Variants in CCDC88B observed in about 807,000 individuals in gnomAD.
The protein encoded by CCDC88B is coiled-coil and HOOK domain protein 88B.
A neutral mutation model predicts 183.7 loss-of-function variants in CCDC88B; 138 were observed. The observed-to-expected ratio is 0.75, with a 90% CI of 0.65 to 0.87. The LOEUF is 0.87. CCDC88B is among the 40% of genes least tolerant of loss of function. CCDC88B has a pLI of 0.00. For missense variants in CCDC88B, 1,822 were observed against 1,965.6 expected (o/e 0.93, Z 1.38); for synonymous variants, 835 against 867.5 (o/e 0.96, Z 0.66).
intron 14 of CCDC88B, 31 bp from the exon 15 acceptor site, chr11:64,349,300 C>T: frequency 6.4e-7 from 1 of 1,557,292 alleles, no homozygotes; most frequent in Non-Finnish European, 8.7e-7. Context: ...CTCCTGCCCC[C>T]TTGCCCTGAG....
chr11:64,341,925 T>G (rs1207381599), intron 7 of CCDC88B, 69 bp from the exon 8 acceptor site: 13 of 1,489,816 alleles, frequency 8.7e-6, no homozygotes, highest in South Asian at 7.9e-5. Flanking sequence ...ATGTCTGGTG[T>G]TGTGGTTGGG....
Position 64,340,762 on chromosome 11 carries a change from A to T in CCDC88B, c.206+10A>T. 1 of 1,603,106 alleles carries T rather than the reference A, an allele frequency of 6.2e-7. No homozygotes were observed. The highest frequency in any genetic ancestry group is 8.5e-7 in the Non-Finnish European group (1 of 1,175,046). The stretch of plus-strand genomic sequence containing the variant: ...GGGTGCTGGGCATCATGTAAGGGGC[A>T]TCGGGCCGGGGCGGTGGCGGGGAAG... On this transcript the variant is annotated intron_variant, in intron 2 of 26. Coordinates refer to ENST00000356786, the MANE Select transcript of CCDC88B (RefSeq NM_032251.6).
Position 64,353,826 on chromosome 11 carries a change from G to A in CCDC88B, c.3932+13G>A, listed in dbSNP as rs1049026394. The A allele has an allele frequency of 6.2e-7, 1 of 1,613,774 alleles. No homozygotes were observed. Among genetic ancestry groups the A allele is most frequent in the Non-Finnish European group, 8.5e-7 (1 of 1,179,732 alleles). The stretch of plus-strand genomic sequence containing the variant: ...TGCCCCGGACCAAGTGAGCAGCCCT[G>A]TCACCTCCCTCAGGCTGGACATCCT... On this transcript the variant is annotated intron_variant, in intron 23 of 26. Coordinates refer to ENST00000356786, the MANE Select transcript of CCDC88B (RefSeq NM_032251.6).
At chr11:64,341,390 T>C (rs575895616) in intron 5 of CCDC88B, 31 bp from the exon 6 acceptor site, 44 of 1,613,884 alleles carry the variant, frequency 2.7e-5, no homozygotes, top group Middle Eastern at 1.6e-4. Flanking sequence ...AGGGAGATCC[T>C]GCACCAGCTC....
intron 1 of CCDC88B, 38 bp from the exon 2 acceptor site, chr11:64,340,569 A>G: frequency 6.3e-7 from 1 of 1,589,498 alleles, no homozygotes; most frequent in Non-Finnish European, 8.5e-7. Context: ...CTCAGGGTTC[A>G]CTCTGCTGGT....
intron 26 of CCDC88B, 85 bp from the exon 27 acceptor site, chr11:64,356,954 C>T: frequency 7.2e-7 from 1 of 1,381,286 alleles, no homozygotes; most frequent in Non-Finnish European, 9.9e-7. Context: ...CGGGGGTGGG[C>T]AGAAGGTGCT....
rs2036357320 is a variant in CCDC88B at position 64,352,114 on chromosome 11, CCCT to C, written c.3100-10_3100-8del. 6.6e-7 allele frequency: 1 copy of C among 1,526,052 alleles called. No individual in the cohort carries two copies. The highest frequency in any genetic ancestry group is 8.8e-7 in the Non-Finnish European group (1 of 1,133,910). 94.5% of individuals were successfully genotyped at this position (1,526,052 alleles called of 1,614,324 possible). On this transcript the variant is annotated splice_polypyrimidine_tract_variant and intron_variant, in intron 18 of 26. Coordinates refer to ENST00000356786, the MANE Select transcript of CCDC88B (RefSeq NM_032251.6). The stretch of plus-strand genomic sequence containing the variant: ...GGTTCCTCCCCAGCAGCCCCTGCTT[CCCT>C]CCTCCATCCTAGGCCGAGAAGTCTG...
Position 64,342,356 on chromosome 11 carries a change from TAAG to T in CCDC88B, c.888_890del (p.Arg297del), listed in dbSNP as rs775905994. ...GAGGTGCAGGGTTTGGAGGCCGAAA[TAAG>T]AAGGCTCCGCCAGGAGGTGCGCTCA... On this transcript the variant is annotated inframe_deletion, in exon 9 of 27. Coordinates refer to ENST00000356786, the MANE Select transcript of CCDC88B (RefSeq NM_032251.6). 1.3e-6 allele frequency: 2 copies of T among 1,590,446 alleles called. No individual in the cohort carries two copies. The highest frequency in any genetic ancestry group is 1.7e-6 in the Non-Finnish European group (2 of 1,169,096).
In CCDC88B at chr11:64,344,282, T is replaced by A; in HGVS notation, c.1741T>A (p.Ser581Thr). The stretch of plus-strand genomic sequence containing the variant: ...AGACTGGTCCCCGCAAGAGTCAGGC[T>A]CTCCTGTGGAGACACAGGAGTCCCC... Reference protein sequence around the residue: ...ASDWSPQESGSPVETQESPEK... With the variant: ...ASDWSPQESGTPVETQESPEK... The change falls in exon 14 of 27, where the codon TCT (serine) becomes ACT (threonine). Residue 581 changes from serine (S) to threonine (T), a missense_variant. By Grantham distance (58) the Ser-to-Thr change is moderately conservative. Coordinates refer to ENST00000356786, the MANE Select transcript of CCDC88B (RefSeq NM_032251.6). This position sits in a 1 kb window ranked among gnomAD's most constrained non-coding sequence, Gnocchi z 4.5. 1 of 1,613,536 alleles carries A rather than the reference T, an allele frequency of 6.2e-7. No individual in the cohort carries two copies. Among genetic ancestry groups the A allele is most frequent in the Non-Finnish European group, 8.5e-7 (1 of 1,179,924 alleles).
intron 16 of CCDC88B, chr11:64,350,592 A>G (rs933125420): frequency 6.6e-6 from 1 of 152,310 alleles, no homozygotes; most frequent in African/African-American, 2.4e-5. Flanking sequence ...AGGCCGAGGC[A>G]GGGGAATTGC....
At position 64,352,748 on chromosome 11, in the gene CCDC88B, G is replaced by A. The variant is rs201018165; in HGVS notation, c.3361G>A (p.Glu1121Lys). 257 of 1,613,346 alleles carry A rather than the reference G, an allele frequency of 1.6e-4. No homozygotes were observed. The highest frequency in any genetic ancestry group is 4.5e-4 in the African/African-American group (34 of 74,938). ...TTAGCCCCTTGTCCATCCCAGGCAC[G>A]AGCAGCTGCAGGCCCAGCGGGCCAG... ...LAHRELQGRH[E>K]QLQAQRASVE... The change falls in exon 20 of 27, where the codon GAG becomes AAG. Residue 1121 changes from glutamate to lysine, a missense_variant. By Grantham distance (56) the Glu-to-Lys change is moderately conservative. Coordinates refer to ENST00000356786, the MANE Select transcript of CCDC88B (RefSeq NM_032251.6).
chr11:64,351,376 C>T lies in CCDC88B; in HGVS notation c.2959-100C>T, dbSNP rs866370622. ...TGTGAGTGTGGACTCACAGTGGGCC[C>T]GGGGGTGGGGGTGCCCCATGCAGTG... On this transcript the variant is annotated intron_variant, in intron 17 of 26. Transcript: ENST00000356786. 5.7e-5 allele frequency: 85 copies of T among 1,489,500 alleles called. 1 individual carries two copies. The highest frequency in any genetic ancestry group is 2.1e-4 in the South Asian group (17 of 81,954). 92.3% of individuals were successfully genotyped at this position (1,489,500 alleles called of 1,614,324 possible).
intron 26 of CCDC88B, chr11:64,356,015 A>ATTTTTTTTTTTTTTT (rs1565061920): frequency 1.6e-5 from 1 of 60,934 alleles, no homozygotes; most frequent in African/African-American, 5.2e-5. Flanking sequence ...ATTAGACGTG[A>ATTTTTTTTTTTTTTT]TGTTTTTTTT....
At position 64,349,092 on chromosome 11, in the gene CCDC88B, C is replaced by T. The variant is rs1187278577; in HGVS notation, c.2617-239C>T. On this transcript the variant is annotated intron_variant, in intron 14 of 26. Transcript: ENST00000356786. ...CCAACATGTGTCACCTACCGACTCC[C>T]AGCCCAGGGGCCTTCCTCATGCCCT... 5.6e-6 allele frequency: 4 copies of T among 717,818 alleles called. No individual in the cohort carries two copies. The Admixed American group carries it at 6.0e-5, about 11-fold the overall frequency. The allele number at this position is 717,818 out of a possible 1,614,324, so 44.5% of individuals were successfully genotyped here.
intron 14 of CCDC88B, among the ~76,000 whole-genome samples, chr11:64,347,620 T>G (rs1319423651): frequency 6.6e-6 from 1 of 152,154 alleles, no homozygotes; most frequent in East Asian, 1.9e-4. Flanking sequence ...AGACCATCTC[T>G]GGGGTCCACT....
intron 14 of CCDC88B, 144 bp from the exon 15 acceptor site, chr11:64,349,187 G>C: frequency 1.0e-6 from 1 of 954,486 alleles, no homozygotes; most frequent in Non-Finnish European, 1.6e-6. Context: ...CCATTTTATA[G>C]ATGGGGAAGT....
chr11:64,349,706 C>T (rs752700515), intron 16 of CCDC88B, 38 bp downstream of exon 16: 9 of 1,533,532 alleles, frequency 5.9e-6, no homozygotes, highest in Admixed American at 1.9e-5. Flanking sequence ...GGCCATGCCA[C>T]CCTGCCCTCC....
intron 26 of CCDC88B, 109 bp from the exon 27 acceptor site, chr11:64,356,930 G>A (rs1194841019): frequency 6.8e-6 from 7 of 1,035,130 alleles, no homozygotes; most frequent in Admixed American, 4.6e-5. Flanking sequence ...TGGAAGCGGG[G>A]GGTATTGGCA....
rs1030764569 is a variant in CCDC88B, at chr11:64,341,025, G to A, written c.318+7G>A. The A allele has an allele frequency of 1.2e-6, 2 of 1,612,280 alleles. No individual in the cohort carries two copies. Among genetic ancestry groups the A allele is most frequent in the Non-Finnish European group, 1.7e-6 (2 of 1,178,898 alleles). On this transcript the variant is annotated splice_region_variant and intron_variant, in intron 3 of 26. Transcript: ENST00000356786. ...ACTGAGGGACTTCTACCAGGTAAGG[G>A]GTCTCGAGGGAAAGGCGGAGACAGG...
Sources: gnomAD v4.1 joint callset for allele counts (sites outside exome capture counted in the v4.1 genomes callset) on GRCh38, gnomAD v4.1.1 for gene constraint, Gnocchi (gnomAD v3.1) non-coding constraint, MANE v1.5 for transcripts, NCBI Gene and HGNC (gene_info 2026-07-23, HGNC 2026-07-21) for gene names.